SPATA17: variants seen among roughly 807,000 people sequenced by gnomAD.
SPATA17 encodes the protein spermatogenesis associated 17.
In SPATA17, 53 loss-of-function variants were observed where a neutral mutation model predicts 62.2. The ratio of observed to expected loss-of-function variants is 0.85; its 90% CI spans 0.68 to 1.07. The LOEUF (loss-of-function observed/expected upper bound fraction) is 1.07. Ranked by LOEUF, SPATA17 falls within the 50% of genes least tolerant of loss-of-function variation. SPATA17 has a pLI of 0.00. For missense variants in SPATA17, 466 were observed against 425.5 expected (o/e 1.10, Z -0.84); for synonymous variants, 146 against 146.8 (o/e 0.99, Z 0.04).
intron 3 of SPATA17, among the ~76,000 whole-genome samples, chr1:217,660,135 A>G (rs1247906426): frequency 6.6e-6 from 1 of 152,176 alleles, no homozygotes; most frequent in African/African-American, 2.4e-5. Context: ...TCTTCACTCT[A>G]ACATGCCTCT....
chr1:217,735,675 T>C (rs540982655), intron 5 of SPATA17, among the ~76,000 whole-genome samples: 2 of 152,174 alleles, frequency 1.3e-5, no homozygotes, highest in African/African-American at 4.8e-5. Flanking sequence ...TAAAGATTAA[T>C]TTTTGTTGAG....
At chr1:217,819,242 G>A (rs948699574) in intron 9 of SPATA17, among the ~76,000 whole-genome samples, 11 of 150,726 alleles carry the variant, frequency 7.3e-5, no homozygotes, top group African/African-American at 2.7e-4. Flanking sequence ...TTTATTTTAT[G>A]GACAGAGTTC....
At chr1:217,835,458 C>T (rs1013136435) in intron 9 of SPATA17, among the ~76,000 whole-genome samples, 2 of 152,092 alleles carry the variant, frequency 1.3e-5, no homozygotes, top group Non-Finnish European at 2.9e-5. Context: ...ATTTATCTAT[C>T]TCTAATCTTA....
At chr1:217,658,704 G>C (rs1487612465) in intron 3 of SPATA17, among the ~76,000 whole-genome samples, 1 of 152,012 alleles carries the variant, frequency 6.6e-6, no homozygotes, top group African/African-American at 2.4e-5. Flanking sequence ...CTTGCAGTGA[G>C]CCAAGATCTC....
chr1:217,800,507 T>G (rs2102987172), intron 8 of SPATA17, among the ~76,000 whole-genome samples: 1 of 152,282 alleles, frequency 6.6e-6, no homozygotes, highest in Non-Finnish European at 1.5e-5. Flanking sequence ...GGTGTAAATT[T>G]TTCTGAGAAT....
intron 9 of SPATA17, among the ~76,000 whole-genome samples, chr1:217,828,507 T>TTTTTTTTTTTTTGA (rs1553254697): frequency 1.5e-5 from 2 of 132,406 alleles, no homozygotes; most frequent in Admixed American, 8.0e-5. Context: ...TCTTTGATAT[T>TTTTTTTTTTTTTGA]GACATTGGAA....
At chr1:217,682,070 T>C (rs1389415302) in intron 4 of SPATA17, among the ~76,000 whole-genome samples, 4 of 152,108 alleles carry the variant, frequency 2.6e-5, no homozygotes, top group African/African-American at 9.7e-5. Flanking sequence ...GGTTGGAAAA[T>C]TTTAGGAATG....
At chr1:217,812,877 A>T (rs547307254) in intron 9 of SPATA17, among the ~76,000 whole-genome samples, 3 of 152,334 alleles carry the variant, frequency 2.0e-5, no homozygotes, top group South Asian at 4.1e-4. Flanking sequence ...TAATGGAACC[A>T]TTTGATGTTT....
intron 5 of SPATA17, among the ~76,000 whole-genome samples, chr1:217,716,823 A>G (rs1182705892): frequency 6.6e-6 from 1 of 152,228 alleles, no homozygotes; most frequent in African/African-American, 2.4e-5. Flanking sequence ...GAGGGCAATC[A>G]CAGCAAGTCA....
At chr1:217,678,648 G>T (rs1289250833) in intron 4 of SPATA17, among the ~76,000 whole-genome samples, 1 of 152,098 alleles carries the variant, frequency 6.6e-6, no homozygotes, top group Non-Finnish European at 1.5e-5. Flanking sequence ...ATATATCAAG[G>T]TTTTGCCATT....
At chr1:217,703,339 C>G (rs1671647831) in intron 5 of SPATA17, among the ~76,000 whole-genome samples, 1 of 151,472 alleles carries the variant, frequency 6.6e-6, no homozygotes, top group Non-Finnish European at 1.5e-5. Context: ...GCCCGGCTAG[C>G]TTTTGTGTTT....
intron 8 of SPATA17, 23 bp from the exon 9 acceptor site, chr1:217,801,695 T>C: frequency 6.4e-7 from 1 of 1,572,784 alleles, no homozygotes; most frequent in Non-Finnish European, 8.6e-7. Flanking sequence ...AAGTTAAGAA[T>C]AGCTCTTAAA....
chr1:217,665,878 A>G (rs1670683001), intron 3 of SPATA17, among the ~76,000 whole-genome samples: 1 of 152,228 alleles, frequency 6.6e-6, no homozygotes, highest in Non-Finnish European at 1.5e-5. Context: ...GAGCTAGGTA[A>G]TATGACAAAG....
At position 217,688,880 on chromosome 1, in the gene SPATA17, G is replaced by C. The variant is rs532490947; in HGVS notation, c.395+5519G>C. Reference sequence around the variant, plus strand: ...TGAACACCCTGTCTTAATTATCTTTGAAACCTCAGTGCCTAGCACAGTTAC... The same window carrying C: ...TGAACACCCTGTCTTAATTATCTTTCAAACCTCAGTGCCTAGCACAGTTAC... On this transcript the variant is annotated intron_variant, in intron 5 of 10. Coordinates refer to ENST00000366933, the MANE Select transcript of SPATA17 (RefSeq NM_138796.4). Among the ~76,000 whole-genome samples, 4 of 136,816 alleles carry C rather than the reference G, an allele frequency of 2.9e-5. No homozygotes were observed. In the South Asian group the frequency reaches 6.7e-4, roughly 23 times the overall value. The allele number at this position is 136,816 out of a possible 152,430, so 89.8% of individuals were successfully genotyped here.
intron 1 of SPATA17, among the ~76,000 whole-genome samples, chr1:217,636,456 C>T (rs1177344100): frequency 6.6e-6 from 1 of 151,976 alleles, no homozygotes; most frequent in African/African-American, 2.4e-5. Context: ...CTCTGTTGCC[C>T]AGGCTGGAGT....
At chr1:217,645,046 T>A (rs769038726) in intron 1 of SPATA17, among the ~76,000 whole-genome samples, 14 of 152,044 alleles carry the variant, frequency 9.2e-5, no homozygotes, top group Non-Finnish European at 1.5e-4. Context: ...CCAGCATCTG[T>A]AAATTTTGTT....
chr1:217,659,375 T>A (rs185839442), intron 3 of SPATA17, among the ~76,000 whole-genome samples: 31 of 152,232 alleles, frequency 2.0e-4, no homozygotes, highest in African/African-American at 6.7e-4. Flanking sequence ...AGATAGTTGC[T>A]CTAGATTATG....
rs750665329 is a variant in SPATA17 at position 217,714,488 on chromosome 1, C to CTTTTTTTTTTT, written c.396-27483_396-27473dup. Among the ~76,000 whole-genome samples, 885 of 121,246 alleles carry CTTTTTTTTTTT rather than the reference C, an allele frequency of 7.3e-3. 83 individuals are homozygous for CTTTTTTTTTTT. The highest frequency in any genetic ancestry group is 0.027 in the African/African-American group (822 of 30,548). The allele number at this position is 121,246 out of a possible 152,430, so 79.5% of individuals were successfully genotyped here. On this transcript the variant is annotated intron_variant, in intron 5 of 10. Transcript: ENST00000366933. ...TGAGTTGAACGTGGAAAACGTGTTT[C>CTTTTTTTTTTT]TTTTTTTTTTTTTTGAGACAGAGTC...
intron 5 of SPATA17, among the ~76,000 whole-genome samples, chr1:217,707,866 C>T (rs950174073): frequency 6.6e-6 from 1 of 152,134 alleles, no homozygotes; most frequent in Non-Finnish European, 1.5e-5. Flanking sequence ...TTTCAGACTA[C>T]AGGACCATAA....
Sources: allele counts gnomAD v4.1 joint callset (sites outside exome capture counted in the v4.1 genomes callset), GRCh38; gene constraint gnomAD v4.1.1; transcripts MANE v1.5; gene names NCBI Gene and HGNC (gene_info 2026-07-23, HGNC 2026-07-21).